Variants in LHFPL3 observed in about 807,000 individuals in gnomAD.
LHFPL3 encodes LHFPL tetraspan subfamily member 3 protein.
Under a neutral mutation model 19.3 loss-of-function variants are expected in LHFPL3, and 5 were observed. That is an observed-to-expected ratio of 0.26 (90% CI 0.14 to 0.54). The LOEUF (loss-of-function observed/expected upper bound fraction) is 0.54, where lower values mean the gene tolerates loss of function less well. Ranked by LOEUF, LHFPL3 falls within the 20% of genes least tolerant of loss-of-function variation. The pLI, the probability that LHFPL3 is intolerant of heterozygous loss-of-function variation, is 0.94. For synonymous variants in LHFPL3, 133 were observed against 126.2 expected (o/e 1.05, Z -0.36); for missense variants, 249 against 307.4 (o/e 0.81, Z 1.42).
At chr7:104,522,501 C>G (rs1317285244) in intron 1 of LHFPL3, among the ~76,000 whole-genome samples, 2 of 151,738 alleles carry the variant, frequency 1.3e-5, no homozygotes, top group African/African-American at 4.8e-5. Flanking sequence ...CTAACCTGCA[C>G]ATTGTGCACA....
At chr7:104,332,728 C>G (rs986016958) in intron 1 of LHFPL3, among the ~76,000 whole-genome samples, 1 of 151,966 alleles carries the variant, frequency 6.6e-6, no homozygotes, top group Non-Finnish European at 1.5e-5. Context: ...AACACCTTAT[C>G]CTCTCCCTCC....
intron 2 of LHFPL3, among the ~76,000 whole-genome samples, chr7:104,877,951 A>G (rs1320767521): frequency 1.3e-5 from 2 of 151,874 alleles, no homozygotes; most frequent in African/African-American, 4.8e-5. Context: ...CCCCTGCCTC[A>G]GCCTCCCGAG....
chr7:104,753,563 A>G (rs1415696197), intron 2 of LHFPL3, among the ~76,000 whole-genome samples: 2 of 152,206 alleles, frequency 1.3e-5, no homozygotes, highest in Non-Finnish European at 2.9e-5. Flanking sequence ...AAAAATATAT[A>G]TTAATTGAAA....
intron 1 of LHFPL3, among the ~76,000 whole-genome samples, chr7:104,721,394 G>A (rs546362703): frequency 3.1e-4 from 47 of 152,248 alleles, no homozygotes; most frequent in African/African-American, 1.1e-3. Flanking sequence ...GTCGGGGAGT[G>A]GGGGAGCTAG....
At chr7:104,535,929 G>A (rs376891983) in intron 1 of LHFPL3, among the ~76,000 whole-genome samples, 4 of 152,314 alleles carry the variant, frequency 2.6e-5, no homozygotes, top group East Asian at 1.9e-4. Flanking sequence ...ATACCTCAAC[G>A]ACCTTTGGGA....
At chr7:104,516,548 TCAA>T (rs1276156557) in intron 1 of LHFPL3, among the ~76,000 whole-genome samples, 1 of 152,130 alleles carries the variant, frequency 6.6e-6, no homozygotes, top group Non-Finnish European at 1.5e-5. Flanking sequence ...TTAATTGAAA[TCAA>T]CATGACTGAT....
chr7:104,822,607 C>G (rs776793288), intron 2 of LHFPL3, among the ~76,000 whole-genome samples: 2 of 152,058 alleles, frequency 1.3e-5, no homozygotes, highest in Non-Finnish European at 2.9e-5. Context: ...AAAATTTCTC[C>G]CAGTTGAGAA....
intron 1 of LHFPL3, among the ~76,000 whole-genome samples, chr7:104,416,327 T>C: frequency 6.6e-6 from 1 of 152,208 alleles, no homozygotes; most frequent in East Asian, 1.9e-4. Context: ...TGATTTTGGA[T>C]TTCCAGCCTC....
chr7:104,424,296 T>C (rs1791795142), intron 1 of LHFPL3, among the ~76,000 whole-genome samples: 1 of 152,174 alleles, frequency 6.6e-6, no homozygotes. Flanking sequence ...CAAGGTACTT[T>C]TGTTGGGGAA....
intron 1 of LHFPL3, among the ~76,000 whole-genome samples, chr7:104,524,833 G>C (rs190800376): frequency 6.6e-6 from 1 of 152,066 alleles, no homozygotes; most frequent in Admixed American, 6.6e-5. Flanking sequence ...CCTACTATTT[G>C]TTCTTTTCTA....
intron 1 of LHFPL3, among the ~76,000 whole-genome samples, chr7:104,469,633 G>A (rs188633396): frequency 7.2e-5 from 11 of 152,240 alleles, no homozygotes; most frequent in African/African-American, 2.6e-4. Context: ...CCTGGACTTA[G>A]CCCTGGGGGA....
intron 2 of LHFPL3, among the ~76,000 whole-genome samples, chr7:104,868,318 G>A (rs1277865184): frequency 4.6e-5 from 7 of 151,848 alleles, no homozygotes; most frequent in South Asian, 4.2e-4. Context: ...ATGATTGTAT[G>A]TCTAGAAAAC....
intron 2 of LHFPL3, chr7:104,785,162 T>C (rs1431861458): frequency 1.3e-5 from 2 of 152,184 alleles, no homozygotes; most frequent in Non-Finnish European, 2.9e-5. Context: ...TGTGTTCCTG[T>C]CTCCCTTGCC....
chr7:104,436,457 C>A (rs576683241), intron 1 of LHFPL3, among the ~76,000 whole-genome samples: 5 of 152,124 alleles, frequency 3.3e-5, no homozygotes, highest in Non-Finnish European at 7.4e-5. Context: ...ATGCTCTTAA[C>A]CTGTAGTTTC....
At chr7:104,432,756 G>A (rs562136796) in intron 1 of LHFPL3, among the ~76,000 whole-genome samples, 8 of 152,258 alleles carry the variant, frequency 5.3e-5, no homozygotes, top group African/African-American at 1.9e-4. Context: ...GGATCTGAAT[G>A]TCCTTCTTGA....
chr7:104,523,416 A>C (rs535243297), intron 1 of LHFPL3, among the ~76,000 whole-genome samples: 1 of 152,302 alleles, frequency 6.6e-6, no homozygotes, highest in African/African-American at 2.4e-5. Context: ...TTATAATAAA[A>C]GTTAGTTTTC....
chr7:104,807,009 A>ATGTGTGTGTGTGTGTG (rs750104248), intron 2 of LHFPL3, among the ~76,000 whole-genome samples: 4 of 71,336 alleles, frequency 5.6e-5, no homozygotes, highest in Non-Finnish European at 8.6e-5. Flanking sequence ...ACCAAAATAT[A>ATGTGTGTGTGTGTGTG]TATGTGTGTG....
intron 1 of LHFPL3, among the ~76,000 whole-genome samples, chr7:104,455,879 G>A (rs1792528572): frequency 6.6e-6 from 1 of 152,080 alleles, no homozygotes; most frequent in African/African-American, 2.4e-5. Context: ...ATAAACCATT[G>A]CGTGTAATTT....
At chr7:104,733,543 ACC>A (rs928667142) in intron 1 of LHFPL3, among the ~76,000 whole-genome samples, 1 of 151,940 alleles carries the variant, frequency 6.6e-6, no homozygotes, top group Non-Finnish European at 1.5e-5. Flanking sequence ...TAGGATTGCA[ACC>A]CCTCCCTTTC....
Sources: gnomAD v4.1 joint callset for allele counts (sites outside exome capture counted in the v4.1 genomes callset) on GRCh38, gnomAD v4.1.1 for gene constraint, MANE v1.5 for transcripts, NCBI Gene and HGNC (gene_info 2026-07-23, HGNC 2026-07-21) for gene names.